Variants in FBLN1 observed in about 807,000 individuals in gnomAD.
FBLN1 encodes fibulin-1.
A neutral mutation model predicts 89.7 loss-of-function variants in FBLN1; 34 were observed. The observed-to-expected ratio is 0.38, with a 90% CI of 0.29 to 0.50. The LOEUF (loss-of-function observed/expected upper bound fraction) is 0.50, where lower values mean the gene tolerates loss of function less well. Ranked by LOEUF, FBLN1 falls within the 20% of genes least tolerant of loss-of-function variation. The pLI is 0.92. For synonymous variants in FBLN1, 393 were observed against 391.3 expected (o/e 1.00, Z -0.05); for missense variants, 777 against 988.1 (o/e 0.79, Z 2.86).
chr22:45,598,066 C>T (rs1008212836), intron 16 of FBLN1, among the ~76,000 whole-genome samples: 1 of 152,208 alleles, frequency 6.6e-6, no homozygotes, highest in African/African-American at 2.4e-5. Flanking sequence ...TTTCCTAAGC[C>T]TGCAGAGGAA....
At chr22:45,565,427 GT>G in intron 14 of FBLN1, 4 of 479,548 alleles carry the variant, frequency 8.3e-6, no homozygotes, top group Non-Finnish European at 1.4e-5. Flanking sequence ...GCTTTAGCAT[GT>G]GCCATGCTGT....
At position 45,597,669 on chromosome 22, in the gene FBLN1, G is replaced by C. The variant is rs12159043; in HGVS notation, c.1973-2638G>C. On this transcript the variant is annotated intron_variant, in intron 16 of 16. Transcript: ENST00000327858. This position sits in a 1 kb window ranked among gnomAD's most constrained non-coding sequence, Gnocchi z 4.2. ...TGGCGAGCCCAGGGTGGTGACAGGC[G>C]CACGTCTTTTGCCGGGAGCTGAAGA... Among the ~76,000 whole-genome samples the C allele has an allele frequency of 0.29, 44,356 of 152,048 alleles. 9,432 individuals are homozygous for C. Among genetic ancestry groups the C allele is most frequent in the African/African-American group, 0.6 (24,972 of 41,432 alleles).
At chr22:45,525,179 A>AAG (rs3074733) in intron 2 of FBLN1, among the ~76,000 whole-genome samples, 14 of 147,204 alleles carry the variant, frequency 9.5e-5, no homozygotes, top group South Asian at 2.1e-4. Context: ...GAAAGGGAGA[A>AAG]AGAGAGAGAG....
In FBLN1 at chr22:45,574,347, A is replaced by T. The variant is rs1352183544; in HGVS notation, c.1698-164A>T. The stretch of plus-strand genomic sequence containing the variant: ...GCAGGAAGGGCCATGAAGCCTCCCC[A>T]CAGAGCAGCCAGGCTGCAGAGACCA... On this transcript the variant is annotated intron_variant, in intron 14 of 16. Coordinates refer to ENST00000327858, the MANE Select transcript of FBLN1 (RefSeq NM_006486.3). The surrounding 1 kb of genome is among the most constrained non-coding windows in gnomAD (Gnocchi z 4.1). Among the ~76,000 whole-genome samples the T allele has an allele frequency of 6.6e-6, 1 of 152,172 alleles. No individual in the cohort carries two copies. Among genetic ancestry groups the T allele is most frequent in the Non-Finnish European group, 1.5e-5 (1 of 68,010 alleles).
intron 14 of FBLN1, among the ~76,000 whole-genome samples, chr22:45,553,931 A>C (rs1479975717): frequency 6.6e-6 from 1 of 152,214 alleles, no homozygotes; most frequent in African/African-American, 2.4e-5. Context: ...GGGCGACTCT[A>C]GCGCCACCTG....
At chr22:45,558,051 G>A (rs1315286305) in intron 14 of FBLN1, 6 of 716,162 alleles carry the variant, frequency 8.4e-6, no homozygotes, top group Non-Finnish European at 1.6e-5. Flanking sequence ...CCAGGCCCTA[G>A]TCTTCTCTTC....
chr22:45,549,300 G>A lies in FBLN1; in HGVS notation c.1573+556G>A, dbSNP rs2088671720. Among the ~76,000 whole-genome samples, 1 of 152,236 alleles carries A rather than the reference G, an allele frequency of 6.6e-6. No homozygotes were observed. Among genetic ancestry groups the A allele is most frequent in the African/African-American group, 2.4e-5 (1 of 41,460 alleles). ...CACTGACAGCGGGTGCTGAGTAGATGTTTGTGAGCGCGTGATCCTCAGTGT... is the reference window on the plus strand; with the variant it reads ...CACTGACAGCGGGTGCTGAGTAGATATTTGTGAGCGCGTGATCCTCAGTGT... On this transcript the variant is annotated intron_variant, in intron 13 of 16. Coordinates refer to ENST00000327858, the MANE Select transcript of FBLN1 (RefSeq NM_006486.3). The surrounding 1 kb of genome is among the most constrained non-coding windows in gnomAD (Gnocchi z 5.7).
chr22:45,546,798 C>T (rs1382217762), intron 11 of FBLN1, among the ~76,000 whole-genome samples: 1 of 152,248 alleles, frequency 6.6e-6, no homozygotes, highest in Non-Finnish European at 1.5e-5. Context: ...CTAGAATGGA[C>T]TCTGGCAGCC....
chr22:45,579,887 C>T lies in FBLN1; in HGVS notation c.1972+2779C>T, dbSNP rs958537432. Among the ~76,000 whole-genome samples the T allele has an allele frequency of 9.2e-5, 14 of 152,142 alleles. No homozygotes were observed. In the South Asian group the frequency reaches 1.2e-3, roughly 14 times the overall value. Reference sequence around the variant, plus strand: ...TCCTGGTCCCTAGGGGCAGCCATCCCGGCACACGGCTCCTGGCCTGTCCAC... The same window carrying T: ...TCCTGGTCCCTAGGGGCAGCCATCCTGGCACACGGCTCCTGGCCTGTCCAC... On this transcript the variant is annotated intron_variant, in intron 16 of 16. Coordinates refer to ENST00000327858, the MANE Select transcript of FBLN1 (RefSeq NM_006486.3). This position sits in a 1 kb window ranked among gnomAD's most constrained non-coding sequence, Gnocchi z 5.5.
At chr22:45,538,508 C>T (rs2238819) in intron 8 of FBLN1, among the ~76,000 whole-genome samples, 2 of 152,160 alleles carry the variant, frequency 1.3e-5, no homozygotes, top group African/African-American at 4.8e-5. Context: ...TTTTCCCCCC[C>T]ACTTGACAGG....
At chr22:45,514,385 C>T (rs1287737925) in intron 1 of FBLN1, among the ~76,000 whole-genome samples, 1 of 152,210 alleles carries the variant, frequency 6.6e-6, no homozygotes. Context: ...CAGTTTTCCT[C>T]TAATGGGTGG....
intron 16 of FBLN1, among the ~76,000 whole-genome samples, chr22:45,586,598 C>T (rs530654223): frequency 6.6e-6 from 1 of 152,364 alleles, no homozygotes; most frequent in East Asian, 1.9e-4. Context: ...AGACTTAGCA[C>T]CTGGCGGGCA....
chr22:45,599,390 C>T (rs750419288), intron 16 of FBLN1, among the ~76,000 whole-genome samples: 22 of 152,224 alleles, frequency 1.4e-4, no homozygotes, highest in Non-Finnish European at 2.6e-4. Context: ...GTGTCAGCCT[C>T]CACAGAGGCA....
chr22:45,506,908 T>TA (rs1474781670), intron 1 of FBLN1, among the ~76,000 whole-genome samples: 1 of 152,262 alleles, frequency 6.6e-6, no homozygotes, highest in East Asian at 1.9e-4. Flanking sequence ...TTTGCCAGCA[T>TA]ATTTTATACA....
rs2088856060 is a variant in FBLN1 at position 45,562,117 on chromosome 22, C to T, written c.1697+11502C>T. Among the ~76,000 whole-genome samples the T allele has an allele frequency of 6.6e-6, 1 of 152,206 alleles. No homozygotes were observed. Among genetic ancestry groups the T allele is most frequent in the Admixed American group, 6.5e-5 (1 of 15,286 alleles). On this transcript the variant is annotated intron_variant, in intron 14 of 16. Transcript: ENST00000327858. The surrounding 1 kb of genome is among the most constrained non-coding windows in gnomAD (Gnocchi z 7.8). ...CAATCAAGTTGACACTATTAACCAT[C>T]ACAGGACCTGTCCCCGTCTCCACTG...
intron 14 of FBLN1, among the ~76,000 whole-genome samples, chr22:45,570,954 G>GT (rs1046697751): frequency 6.6e-6 from 1 of 151,752 alleles, no homozygotes; most frequent in African/African-American, 2.4e-5. Flanking sequence ...GTGAAACCCC[G>GT]TATCTACTAA....
At chr22:45,573,589 G>A (rs1170942198) in intron 14 of FBLN1, among the ~76,000 whole-genome samples, 2 of 146,480 alleles carry the variant, frequency 1.4e-5, no homozygotes, top group African/African-American at 5.0e-5. Flanking sequence ...GCTGAGGCAG[G>A]AGAATCGCTT....
rs564718935 is a variant in FBLN1, at chr22:45,588,025, A to G, written c.1972+10917A>G. Among the ~76,000 whole-genome samples the G allele has an allele frequency of 2.8e-4, 42 of 152,346 alleles. No individual in the cohort carries two copies. The highest frequency in any genetic ancestry group is 5.0e-4 in the Non-Finnish European group (34 of 68,032). ...GAATGCAGCAGTGACTAAGGCAGAC[A>G]TGAACGCCTCTCTCATACACTTTTT... On this transcript the variant is annotated intron_variant, in intron 16 of 16. Transcript: ENST00000327858. The surrounding 1 kb of genome is among the most constrained non-coding windows in gnomAD (Gnocchi z 5.1).
At chr22:45,539,333 T>C (rs948301467) in intron 8 of FBLN1, among the ~76,000 whole-genome samples, 1 of 151,000 alleles carries the variant, frequency 6.6e-6, no homozygotes, top group African/African-American at 2.4e-5. Context: ...CCCAAGTAGC[T>C]GGGATTACAG....
Sources: allele counts gnomAD v4.1 joint callset (sites outside exome capture counted in the v4.1 genomes callset), GRCh38; gene constraint gnomAD v4.1.1; non-coding constraint Gnocchi (gnomAD v3.1); transcripts MANE v1.5; gene names NCBI Gene and HGNC (gene_info 2026-07-23, HGNC 2026-07-21).